THSD7B: variants seen among roughly 807,000 people sequenced by gnomAD.
The protein encoded by THSD7B is thrombospondin type 1 domain containing 7B.
In THSD7B, 138 loss-of-function variants were observed where a neutral mutation model predicts 213.6. The ratio of observed to expected loss-of-function variants is 0.65; its 90% CI spans 0.56 to 0.74. THSD7B has a LOEUF of 0.74. THSD7B is among the 30% of genes least tolerant of loss of function. The pLI, the probability that THSD7B is intolerant of heterozygous loss-of-function variation, is 0.00. For synonymous variants in THSD7B, 742 were observed against 687.0 expected (o/e 1.08, Z -1.25); for missense variants, 1,931 against 1,991.5 (o/e 0.97, Z 0.58).
intron 14 of THSD7B, among the ~76,000 whole-genome samples, chr2:137,443,439 A>G (rs964031384): frequency 5.3e-5 from 8 of 152,108 alleles, no homozygotes; most frequent in Admixed American, 6.6e-5. Flanking sequence ...TTTGTCATAG[A>G]ATTTGTATAC....
chr2:137,446,217 A>G (rs1288509732), intron 14 of THSD7B, among the ~76,000 whole-genome samples: 1 of 152,026 alleles, frequency 6.6e-6, no homozygotes, highest in Non-Finnish European at 1.5e-5. Flanking sequence ...CTTCAAAACT[A>G]GATCTTAACA....
At chr2:137,131,024 A>G (rs376781571) in intron 5 of THSD7B, among the ~76,000 whole-genome samples, 7,217 of 147,870 alleles carry the variant, frequency 0.049, 204 homozygotes, top group East Asian at 0.088. Flanking sequence ...ATTTCTCCAC[A>G]TCCTCTCCAG....
chr2:136,904,117 T>A (rs1684113038), intron 2 of THSD7B, among the ~76,000 whole-genome samples: 1 of 152,100 alleles, frequency 6.6e-6, no homozygotes, highest in Non-Finnish European at 1.5e-5. Context: ...CAAGAAAATG[T>A]GTTTCTCCTT....
At chr2:137,072,864 T>C (rs1687527122) in intron 3 of THSD7B, among the ~76,000 whole-genome samples, 1 of 152,182 alleles carries the variant, frequency 6.6e-6, no homozygotes, top group South Asian at 2.1e-4. Context: ...GAGATAACCA[T>C]GTGGTTTTTG....
intron 3 of THSD7B, among the ~76,000 whole-genome samples, chr2:137,094,071 A>G (rs1389959681): frequency 6.6e-6 from 1 of 152,258 alleles, no homozygotes; most frequent in Non-Finnish European, 1.5e-5. Context: ...ATAGGTGAAT[A>G]TTCTAGTTTA....
At chr2:137,628,364 T>G (rs1164407458) in intron 20 of THSD7B, among the ~76,000 whole-genome samples, 1 of 152,236 alleles carries the variant, frequency 6.6e-6, no homozygotes, top group African/African-American at 2.4e-5. Context: ...GTCATTCATC[T>G]ATTTTTTAAT....
rs1289549781 is a variant in THSD7B, at chr2:137,247,505, G to T, written c.2266+4933G>T. ...GTTACTAGACTGAAGATAAATTATG[G>T]TATATTAAAAATAGAATATTCAACA... On this transcript the variant is annotated intron_variant, in intron 10 of 27. Coordinates refer to ENST00000409968, the MANE Select transcript of THSD7B (RefSeq NM_001316349.2). Among the ~76,000 whole-genome samples the T allele has an allele frequency of 2.6e-5, 4 of 152,234 alleles. No individual in the cohort carries two copies. The East Asian group carries it at 5.8e-4, about 22-fold the overall frequency.
chr2:137,251,557 G>C (rs1682178131), intron 10 of THSD7B, among the ~76,000 whole-genome samples: 1 of 152,180 alleles, frequency 6.6e-6, no homozygotes, highest in Non-Finnish European at 1.5e-5. Context: ...CTGTCTGATA[G>C]GGTTTCGTTC....
chr2:137,324,273 T>C (rs530343159), intron 12 of THSD7B, among the ~76,000 whole-genome samples: 2 of 152,204 alleles, frequency 1.3e-5, no homozygotes, highest in Non-Finnish European at 2.9e-5. Context: ...GGACACACAG[T>C]TGATACTTAA....
chr2:137,019,115 A>G (rs1033419918), intron 2 of THSD7B, among the ~76,000 whole-genome samples: 4 of 151,902 alleles, frequency 2.6e-5, no homozygotes, highest in Non-Finnish European at 5.9e-5. Context: ...CCATGTCCTC[A>G]CCCCTTCCAC....
At chr2:137,050,142 A>T (rs944048625) in intron 2 of THSD7B, among the ~76,000 whole-genome samples, 5 of 152,216 alleles carry the variant, frequency 3.3e-5, no homozygotes, top group African/African-American at 1.2e-4. Context: ...GGTTAGCAGG[A>T]TGTAGGTTTT....
rs55635315 is a variant in THSD7B, at chr2:137,372,323, C to CTTTTTTTTT, written c.2501-33270_2501-33262dup. On this transcript the variant is annotated intron_variant, in intron 12 of 27. Transcript: ENST00000409968. ...AGGCCAGAGAGAGTCTGATAATACTCTTTTTTTTTTTTTTTTTTTTTTTTT... is the reference window on the plus strand; with the variant it reads ...AGGCCAGAGAGAGTCTGATAATACTCTTTTTTTTTTTTTTTTTTTTTTTTTTTTTTTTTT... Among the ~76,000 whole-genome samples, 32 of 57,530 alleles carry CTTTTTTTTT rather than the reference C, an allele frequency of 5.6e-4. 5 individuals are homozygous for CTTTTTTTTT. Among genetic ancestry groups the CTTTTTTTTT allele is most frequent in the Non-Finnish European group, 8.0e-4 (24 of 29,868 alleles). 37.7% of individuals were successfully genotyped at this position (57,530 alleles called of 152,430 possible). A position where few individuals can be genotyped will look rare whatever the true frequency, so the allele number is the denominator to read the frequency against.
At chr2:137,036,814 T>C (rs1042884355) in intron 2 of THSD7B, among the ~76,000 whole-genome samples, 1 of 152,216 alleles carries the variant, frequency 6.6e-6, no homozygotes, top group Admixed American at 6.5e-5. Flanking sequence ...GGAGTTCTTG[T>C]CTGTCCGCAC....
chr2:136,986,850 A>G (rs1248027829), intron 2 of THSD7B, among the ~76,000 whole-genome samples: 3 of 152,214 alleles, frequency 2.0e-5, no homozygotes, highest in Admixed American at 6.5e-5. Flanking sequence ...GTAAGAATGT[A>G]TAACTGTAAG....
intron 2 of THSD7B, among the ~76,000 whole-genome samples, chr2:137,027,301 G>T (rs942766202): frequency 4.6e-5 from 7 of 152,104 alleles, no homozygotes; most frequent in Non-Finnish European, 1.0e-4. Flanking sequence ...GTTGGCGTGT[G>T]TCTTTCCTCC....
chr2:136,898,529 T>C (rs1378203373), intron 2 of THSD7B, among the ~76,000 whole-genome samples: 1 of 151,718 alleles, frequency 6.6e-6, no homozygotes, highest in Non-Finnish European at 1.5e-5. Context: ...ACTCCAACAT[T>C]TACTATCCAG....
chr2:137,607,982 A>G (rs1682215813), intron 17 of THSD7B, among the ~76,000 whole-genome samples: 1 of 152,050 alleles, frequency 6.6e-6, no homozygotes, highest in Non-Finnish European at 1.5e-5. Context: ...GTAGGCCAGC[A>G]AAGTCTTACC....
Position 137,094,881 on chromosome 2 carries a change from T to C in THSD7B, c.959T>C (p.Leu320Pro), listed in dbSNP as rs755219030. 1 of 1,611,722 alleles carries C rather than the reference T, an allele frequency of 6.2e-7. No homozygotes were observed. The highest frequency in any genetic ancestry group is 1.1e-5 in the South Asian group (1 of 90,920). Residue 320 changes from leucine to proline, a missense_variant, in exon 4 of 28, where the codon CTT becomes CCT. Leu to Pro is a moderately conservative substitution (Grantham distance 98, BLOSUM62 -3). Coordinates refer to ENST00000409968, the MANE Select transcript of THSD7B (RefSeq NM_001316349.2). ...ACTTCTGTTTTTTTCAGCCTTTGCC[T>C]TCAAGATTCCTTCCCATTGACTGTT... ...DGQNAMLSLCLQDSFPLTVQS... is the reference protein window; with the variant it reads ...DGQNAMLSLCPQDSFPLTVQS...
At chr2:137,164,955 C>A (rs1174846884) in intron 6 of THSD7B, among the ~76,000 whole-genome samples, 2 of 152,016 alleles carry the variant, frequency 1.3e-5, no homozygotes, top group Non-Finnish European at 2.9e-5. Context: ...GTGCAGCCCA[C>A]CAACATGTCA....
Sources: gnomAD v4.1 joint callset for allele counts (sites outside exome capture counted in the v4.1 genomes callset) on GRCh38, gnomAD v4.1.1 for gene constraint, MANE v1.5 for transcripts, NCBI Gene and HGNC (gene_info 2026-07-23, HGNC 2026-07-21) for gene names.